The following GBA2 variants were observed in gnomAD, a reference collection of about 807,000 sequenced individuals.
GBA2 encodes non-lysosomal glucosylceramidase.
GBA2 carries 79 observed loss-of-function variants against 112.9 expected under a neutral mutation model. The observed-to-expected ratio is 0.70, with a 90% confidence interval of 0.58 to 0.84. GBA2 has a LOEUF of 0.84. Ranked by LOEUF, GBA2 falls within the 40% of genes least tolerant of loss-of-function variation. The pLI is 0.00. For missense variants in GBA2, 1,043 were observed against 1,190.0 expected, an observed-to-expected ratio of 0.88 and a Z score of 1.82; for synonymous variants, 403 against 434.3, an observed-to-expected ratio of 0.93 and a Z score of 0.90.
At chr9:35,743,276 C>G (rs552603057) in intron 3 of GBA2, 2 of 153,916 alleles carry the variant, frequency 1.3e-5, no homozygotes, top group Non-Finnish European at 2.9e-5. Flanking sequence ...ATTTACCAAC[C>G]TTGTGACCTT....
In GBA2 at chr9:35,740,379, A is replaced by G; in HGVS notation, c.1130-17T>C. On this transcript the variant is annotated splice_polypyrimidine_tract_variant and intron_variant, in intron 6 of 16. Coordinates refer to ENST00000378103, the MANE Select transcript of GBA2 (RefSeq NM_020944.3). The surrounding 1 kb of genome is among the most constrained non-coding windows in gnomAD (Gnocchi z 4.7). ...TGCTTTGGCCTGAGAGAAACACAAG[A>G]GAATTCAGGACAGGAGCCCCTTCAG... The G allele has an allele frequency of 1.2e-6, 2 of 1,611,446 alleles. No homozygotes were observed. Among genetic ancestry groups the G allele is most frequent in the Middle Eastern group, 1.7e-4 (1 of 6,052 alleles).
chr9:35,739,811 A>G lies in GBA2; in HGVS notation c.1410-11T>C. The stretch of plus-strand genomic sequence containing the variant: ...CAGGCAGGCAGTGATCTGGGAAGCG[A>G]GGAGGAGGAAATGGTTTAAGGAACA... On this transcript the variant is annotated splice_polypyrimidine_tract_variant and intron_variant, in intron 8 of 16. Coordinates refer to ENST00000378103, the MANE Select transcript of GBA2 (RefSeq NM_020944.3). The G allele has an allele frequency of 1.2e-6, 2 of 1,612,574 alleles. No homozygotes were observed. Among genetic ancestry groups the G allele is most frequent in the Non-Finnish European group, 1.7e-6 (2 of 1,178,658 alleles).
rs760993141 is a variant in GBA2 at position 35,744,389 on chromosome 9, C to T, written c.475G>A (p.Gly159Arg). 1.2e-6 allele frequency: 2 copies of T among 1,609,216 alleles called. No homozygotes were observed. The highest frequency in any genetic ancestry group is 8.5e-7 in the Non-Finnish European group (1 of 1,175,700). The change falls in exon 3 of 17, where the codon GGA becomes AGA. Residue 159 changes from glycine (G) to arginine (R), a missense_variant. Gly to Arg is a moderately radical substitution (Grantham distance 125). Transcript: ENST00000378103. Reference sequence around the variant, plus strand: ...CTCCAGCCACGGGTAATAGTGCCTCCCCCGATGCCACCCAAGGGACAACCT... The same window carrying T: ...CTCCAGCCACGGGTAATAGTGCCTCTCCCGATGCCACCCAAGGGACAACCT... ...IYGCPLGGIGGGTITRGWRGQ... is the reference protein window; with the variant it reads ...IYGCPLGGIGRGTITRGWRGQ...
rs367570993 is a variant in GBA2, at chr9:35,739,980, A to G, written c.1409+18T>C. ...GTGAGTGCCCAGGAGAAAGGCAAGA[A>G]ATGGGCCCCACTGGCACCTGTCATC... On this transcript the variant is annotated intron_variant, in intron 8 of 16. Transcript: ENST00000378103. The G allele has an allele frequency of 6.2e-7, 1 of 1,613,620 alleles. No individual in the cohort carries two copies. Among genetic ancestry groups the G allele is most frequent in the Non-Finnish European group, 8.5e-7 (1 of 1,179,792 alleles).
rs745878555 is a variant in GBA2, at chr9:35,740,774, G to T, written c.1026+51C>A. The T allele has an allele frequency of 3.1e-6, 5 of 1,602,862 alleles. No homozygotes were observed. In the Admixed American group the frequency reaches 8.4e-5, roughly 27 times the overall value. On this transcript the variant is annotated intron_variant, in intron 5 of 16. Transcript: ENST00000378103. This position sits in a 1 kb window ranked among gnomAD's most constrained non-coding sequence, Gnocchi z 4.7. ...GAGGGTGGATGAAGAGACCATGCTG[G>T]GGTGGAGGTGGGGTTCAGGGGCTAA...
At position 35,748,780 on chromosome 9, in the gene GBA2, C is replaced by T. The variant is rs75359679; in HGVS notation, c.-76G>A. The T allele has an allele frequency of 1.2e-5, 11 of 906,516 alleles. No homozygotes were observed. In the African/African-American group the frequency reaches 1.5e-4, roughly 12 times the overall value. The allele number at this position is 906,516 out of a possible 1,614,324, so 56.2% of individuals were successfully genotyped here. On this transcript the variant is annotated 5_prime_UTR_variant, in exon 1 of 17. Coordinates refer to ENST00000378103, the MANE Select transcript of GBA2 (RefSeq NM_020944.3). ...GCCTATTCCAGATGCGGGCGCCGGT[C>T]GTTGTTAGGTATCGTCCCGGAGGGC...
Position 35,740,105 on chromosome 9 carries a change from A to C in GBA2, c.1302T>G (p.Phe434Leu). Residue 434 changes from phenylalanine to leucine, a missense_variant, in exon 8 of 17, where the codon TTT becomes TTG. Transcript: ENST00000378103. This position sits in a 1 kb window ranked among gnomAD's most constrained non-coding sequence, Gnocchi z 4.7. ...QVHYRRYTRF[F>L]GQDGDAAPAL... is the part of the protein sequence containing the mutation. The stretch of plus-strand genomic sequence containing the variant: ...CAGGTGCTGCATCTCCATCCTGGCC[A>C]AAGAACCTTGTATACCGCCTGGGGT... 6.2e-7 allele frequency: 1 copy of C among 1,614,096 alleles called. No individual in the cohort carries two copies.
rs1040142328 is a variant in GBA2 at position 35,746,958 on chromosome 9, G to A, written c.359+1388C>T. 6.6e-5 allele frequency among the ~76,000 whole-genome samples: 10 copies of A among 152,156 alleles called. No homozygotes were observed. The highest frequency in any genetic ancestry group is 1.3e-4 in the Non-Finnish European group (9 of 68,018). On this transcript the variant is annotated intron_variant, in intron 1 of 16. Coordinates refer to ENST00000378103, the MANE Select transcript of GBA2 (RefSeq NM_020944.3). This position sits in a 1 kb window ranked among gnomAD's most constrained non-coding sequence, Gnocchi z 5.2. ...TCTTGCTAGAGCTCCTGGTCAGAGTGCCCACAGTTCAGCTCCATCTTAGGA... is the reference window on the plus strand; with the variant it reads ...TCTTGCTAGAGCTCCTGGTCAGAGTACCCACAGTTCAGCTCCATCTTAGGA...
Position 35,746,370 on chromosome 9 carries a change from C to T in GBA2, c.360-1664G>A, listed in dbSNP as rs772174475. On this transcript the variant is annotated intron_variant, in intron 1 of 16. Coordinates refer to ENST00000378103, the MANE Select transcript of GBA2 (RefSeq NM_020944.3). The surrounding 1 kb of genome is among the most constrained non-coding windows in gnomAD (Gnocchi z 5.2). ...TTGAGAGGCCGAGGTGGGCGGATCA[C>T]GTGAGGTCAGGAGTTCAAGACCAGC... is the stretch of plus-strand genomic sequence containing the variant. Among the ~76,000 whole-genome samples, 6 of 152,148 alleles carry T rather than the reference C, an allele frequency of 3.9e-5. No individual in the cohort carries two copies. Among genetic ancestry groups the T allele is most frequent in the Non-Finnish European group, 5.9e-5 (4 of 68,030 alleles).
In GBA2 at chr9:35,741,991, T is replaced by C. The variant is rs1349497424; in HGVS notation, c.568-101A>G. On this transcript the variant is annotated intron_variant, in intron 3 of 16. Transcript: ENST00000378103. The surrounding 1 kb of genome is among the most constrained non-coding windows in gnomAD (Gnocchi z 4.6). ...CTCCTCCCCTTTCAGAGCCTGCAACTGTTACCACTGCACCATCAGCTTCAA... is the reference window on the plus strand; with the variant it reads ...CTCCTCCCCTTTCAGAGCCTGCAACCGTTACCACTGCACCATCAGCTTCAA... 5.3e-6 allele frequency: 4 copies of C among 751,496 alleles called. No homozygotes were observed. The East Asian group carries it at 8.0e-5, about 15-fold the overall frequency. The allele number at this position is 751,496 out of a possible 1,614,324, so 46.6% of individuals were successfully genotyped here.
Position 35,740,189 on chromosome 9 carries a change from C to A in GBA2, c.1283+20G>T. On this transcript the variant is annotated intron_variant, in intron 7 of 16. Transcript: ENST00000378103. The surrounding 1 kb of genome is among the most constrained non-coding windows in gnomAD (Gnocchi z 4.7). ...AGAGCCCCAGCACTCTGGATCCTTA[C>A]ACTTTCTTGGTCCCCTCACCTGTAG... 1 of 1,613,982 alleles carries A rather than the reference C, an allele frequency of 6.2e-7. No homozygotes were observed. Among genetic ancestry groups the A allele is most frequent in the Non-Finnish European group, 8.5e-7 (1 of 1,179,904 alleles).
chr9:35,740,948 G>C lies in GBA2; in HGVS notation c.903C>G (p.Ala301=). Residue 301 remains alanine (A), a synonymous_variant, in exon 5 of 17, where the codon GCC becomes GCG. Coordinates refer to ENST00000378103, the MANE Select transcript of GBA2 (RefSeq NM_020944.3). The surrounding 1 kb of genome is among the most constrained non-coding windows in gnomAD (Gnocchi z 4.7). ...AGGGCTCATTCCACAAACCCCCTGG[G>C]GCATCGTCTCCACCACCCAGTCCAT... The part of the protein sequence containing the change: ...MRNGLGGGDD[A]PGGLWNEPFC... 1 of 1,614,124 alleles carries C rather than the reference G, an allele frequency of 6.2e-7. No homozygotes were observed. The highest frequency in any genetic ancestry group is 1.7e-4 in the Middle Eastern group (1 of 6,058).
At position 35,738,159 on chromosome 9, in the gene GBA2, T is replaced by G; in HGVS notation, c.2198-7A>C. 3.1e-6 allele frequency: 5 copies of G among 1,612,986 alleles called. No homozygotes were observed. The highest frequency in any genetic ancestry group is 3.4e-6 in the Non-Finnish European group (4 of 1,179,250). The stretch of plus-strand genomic sequence containing the variant: ...TCATAGTTGTAATAGCGGCCTGGAG[T>G]CGAGGAAGAGAAAAATAAGGCTCCT... On this transcript the variant is annotated splice_region_variant and splice_polypyrimidine_tract_variant and intron_variant, in intron 14 of 16. Transcript: ENST00000378103.
rs1310561872 is a variant in GBA2, at chr9:35,746,364, G to A, written c.360-1658C>T. ...AGCACTTTGAGAGGCCGAGGTGGGC[G>A]GATCACGTGAGGTCAGGAGTTCAAG... On this transcript the variant is annotated intron_variant, in intron 1 of 16. Coordinates refer to ENST00000378103, the MANE Select transcript of GBA2 (RefSeq NM_020944.3). This position sits in a 1 kb window ranked among gnomAD's most constrained non-coding sequence, Gnocchi z 5.2. Among the ~76,000 whole-genome samples, 3 of 152,184 alleles carry A rather than the reference G, an allele frequency of 2.0e-5. No homozygotes were observed. Among genetic ancestry groups the A allele is most frequent in the Admixed American group, 6.5e-5 (1 of 15,290 alleles).
rs764011718 is a variant in GBA2, at chr9:35,741,649, A to T, written c.786+23T>A. ...GTCCTGGGGAAGGGAGGGCAATGGA[A>T]GATACAGATGTGGGGGCCTCACCTG... On this transcript the variant is annotated intron_variant, in intron 4 of 16. Transcript: ENST00000378103. This position sits in a 1 kb window ranked among gnomAD's most constrained non-coding sequence, Gnocchi z 4.6. The T allele has an allele frequency of 7.0e-7, 1 of 1,437,584 alleles. No individual in the cohort carries two copies. Among genetic ancestry groups the T allele is most frequent in the South Asian group, 1.1e-5 (1 of 87,498 alleles). 89.1% of individuals were successfully genotyped at this position (1,437,584 alleles called of 1,614,324 possible).
chr9:35,744,692 C>T lies in GBA2; in HGVS notation c.374G>A (p.Trp125Ter). 6.2e-7 allele frequency: 1 copy of T among 1,600,960 alleles called. No individual in the cohort carries two copies. Among genetic ancestry groups the T allele is most frequent in the Non-Finnish European group, 8.6e-7 (1 of 1,168,014 alleles). ...CTTTTCCACATGGGTCTTCCGGTAC[C>T]ACCACTGCAGGTACCTGAGGAGCAA... ...IGMGLRYLQWWYRKTHVEKKT... is the reference protein window; with the variant it reads ...IGMGLRYLQW The change falls in exon 2 of 17, where the codon TGG becomes TAG. Residue 125 changes from tryptophan (W) to a stop codon, truncating the protein, a stop_gained. Transcript: ENST00000378103. LOFTEE classifies it high-confidence loss of function.
chr9:35,738,336 A>ACAGCCACAGCTGC lies in GBA2; in HGVS notation c.2080_2092dup (p.Val698GlyfsTer21). ...ACACAGAGCAGCCATCTGGACCATC[A>ACAGCCACAGCTGC]CAGCCACAGCTGCCAGCCACAGCCC... is the stretch of plus-strand genomic sequence containing the variant. On this transcript the variant is annotated frameshift_variant, in exon 14 of 17. Coordinates refer to ENST00000378103, the MANE Select transcript of GBA2 (RefSeq NM_020944.3). LOFTEE classifies it high-confidence loss of function. 1.2e-6 allele frequency: 2 copies of ACAGCCACAGCTGC among 1,614,128 alleles called. No homozygotes were observed.
chr9:35,736,917 TACCTGGGGAAATCA>T lies in GBA2; in HGVS notation c.*238_*251del. Reference sequence around the variant, plus strand: ...CCATGTGTCTGTCACACCATGAATGTACCTGGGGAAATCAACTGACCTCCCTGAACATTTCACGC... The same window carrying T: ...CCATGTGTCTGTCACACCATGAATGTACTGACCTCCCTGAACATTTCACGC... On this transcript the variant is annotated 3_prime_UTR_variant, in exon 17 of 17. Coordinates refer to ENST00000378103, the MANE Select transcript of GBA2 (RefSeq NM_020944.3). 2 of 727,860 alleles carry T rather than the reference TACCTGGGGAAATCA, an allele frequency of 2.7e-6. No individual in the cohort carries two copies. Among genetic ancestry groups the T allele is most frequent in the Non-Finnish European group, 2.2e-6 (1 of 451,726 alleles). 45.1% of individuals were successfully genotyped at this position (727,860 alleles called of 1,614,324 possible).
At chr9:35,742,877 C>T (rs1268318771) in intron 3 of GBA2, among the ~76,000 whole-genome samples, 7 of 152,194 alleles carry the variant, frequency 4.6e-5, no homozygotes, top group Admixed American at 4.6e-4. Flanking sequence ...ACAGTGGGCT[C>T]TCCATATCTG....
Sources: gnomAD v4.1 joint callset for allele counts (sites outside exome capture counted in the v4.1 genomes callset) on GRCh38, gnomAD v4.1.1 for gene constraint, Gnocchi (gnomAD v3.1) non-coding constraint, MANE v1.5 for transcripts, NCBI Gene and HGNC (gene_info 2026-07-23, HGNC 2026-07-21) for gene names.